The following POR variants were observed in gnomAD, a reference collection of about 807,000 sequenced individuals.
The protein encoded by POR is NADPH--cytochrome P450 reductase.
In POR, 56 loss-of-function variants were observed where a neutral mutation model predicts 84.0. The ratio of observed to expected loss-of-function variants is 0.67; its 90% CI spans 0.54 to 0.83. POR has a LOEUF of 0.83. Among genes scored for constraint, POR ranks in the 40% least tolerant of loss-of-function variants. The pLI is 0.00. For missense variants in POR, 938 were observed against 944.3 expected (o/e 0.99, Z 0.09); for synonymous variants, 414 against 400.5 (o/e 1.03, Z -0.40).
At chr7:75,965,090 T>G (rs555183390) in intron 2 of POR, among the ~76,000 whole-genome samples, 43 of 152,238 alleles carry the variant, frequency 2.8e-4, no homozygotes, top group African/African-American at 9.1e-4. Flanking sequence ...GAAGCCTGTG[T>G]AGGATGGCGG....
rs371718382 is a variant in POR, at chr7:75,937,307, AC to A, written c.-4-16681del. 6.7e-5 allele frequency among the ~76,000 whole-genome samples: 10 copies of A among 149,560 alleles called. No homozygotes were observed. In the South Asian group the frequency reaches 1.1e-3, roughly 16 times the overall value. Reference sequence around the variant, plus strand: ...CCATCTCTACAAAAAAAAAAAAAAAACAAAAAAACCAAAAATTAGCCAGGCA... The same window carrying A: ...CCATCTCTACAAAAAAAAAAAAAAAAAAAAAAACCAAAAATTAGCCAGGCA... On this transcript the variant is annotated intron_variant, in intron 1 of 15. Coordinates refer to ENST00000461988, the MANE Select transcript of POR (RefSeq NM_000941.3).
intron 1 of POR, among the ~76,000 whole-genome samples, chr7:75,953,439 G>A (rs1370779558): frequency 6.6e-6 from 1 of 151,898 alleles, no homozygotes; most frequent in African/African-American, 2.4e-5. Context: ...TACCTTCATA[G>A]CCCAAGGTTT....
chr7:75,928,884 G>C (rs1807280102), intron 1 of POR, among the ~76,000 whole-genome samples: 1 of 152,118 alleles, frequency 6.6e-6, no homozygotes, highest in South Asian at 2.1e-4. Context: ...CAAGTACGCA[G>C]CTCTCTTGGT....
Position 75,986,517 on chromosome 7 carries a change from C to T in POR, c.*36C>T. ...GCCCCACCCACCCCACAGACTCCGG[C>T]CTGTAATCAGCTCTCCTGGCTCCCT... is the stretch of plus-strand genomic sequence containing the variant. On this transcript the variant is annotated 3_prime_UTR_variant, in exon 16 of 16. Coordinates refer to ENST00000461988, the MANE Select transcript of POR (RefSeq NM_000941.3). 6.3e-7 allele frequency: 1 copy of T among 1,595,550 alleles called. No homozygotes were observed. The highest frequency in any genetic ancestry group is 8.5e-7 in the Non-Finnish European group (1 of 1,176,194).
At chr7:75,941,607 G>C (rs1349178346) in intron 1 of POR, among the ~76,000 whole-genome samples, 1 of 152,084 alleles carries the variant, frequency 6.6e-6, no homozygotes, top group Non-Finnish European at 1.5e-5. Flanking sequence ...TATTTTTTAG[G>C]CTTTGCATGC....
chr7:75,964,290 A>G (rs910754444), intron 2 of POR, among the ~76,000 whole-genome samples: 18 of 151,100 alleles, frequency 1.2e-4, no homozygotes, highest in African/African-American at 3.4e-4. Flanking sequence ...GTGAGCCACC[A>G]TGCCCAGCCT....
At chr7:75,960,604 A>G (rs1672032729) in intron 2 of POR, among the ~76,000 whole-genome samples, 2 of 151,920 alleles carry the variant, frequency 1.3e-5, no homozygotes, top group South Asian at 2.1e-4. Context: ...GTAGGATCCA[A>G]AGTCCCACAG....
chr7:75,976,193 T>C (rs1788677672), intron 3 of POR, among the ~76,000 whole-genome samples: 1 of 152,200 alleles, frequency 6.6e-6, no homozygotes, highest in Non-Finnish European at 1.5e-5. Flanking sequence ...TCTCTTAACC[T>C]GATAATCATG....
At chr7:75,954,271 C>A (rs72553989) in intron 2 of POR, 91 bp downstream of exon 2, 17 of 1,339,590 alleles carry the variant, frequency 1.3e-5, no homozygotes, top group Non-Finnish European at 1.5e-5. Flanking sequence ...CTGAAAGAAG[C>A]AAGGCTCCTT....
At chr7:75,941,490 C>T (rs905681810) in intron 1 of POR, among the ~76,000 whole-genome samples, 2 of 152,160 alleles carry the variant, frequency 1.3e-5, no homozygotes, top group East Asian at 1.9e-4. Flanking sequence ...CCAGAGCCTC[C>T]GGCATCTGTA....
Position 75,981,129 on chromosome 7 carries a change from G to A in POR, c.598G>A (p.Ala200Thr), listed in dbSNP as rs1294122450. ...GGACAAGCGGCTGGAGCAGCTCGGC[G>A]CCCAGCGCATCTTTGAGCTGGGGTT... The change falls in exon 6 of 16, where the codon GCC becomes ACC. Residue 200 changes from alanine (A) to threonine (T), a missense_variant. Ala to Thr is a moderately conservative substitution (Grantham distance 58). Transcript: ENST00000461988. 9 of 1,557,476 alleles carry A rather than the reference G, an allele frequency of 5.8e-6. No individual in the cohort carries two copies. The highest frequency in any genetic ancestry group is 4.1e-5 in the African/African-American group (3 of 73,364).
chr7:75,983,380 A>G (rs575470469), intron 8 of POR, 140 bp from the exon 9 acceptor site: 3 of 638,938 alleles, frequency 4.7e-6, no homozygotes, highest in African/African-American at 3.7e-5. Context: ...AGGCTGGGAG[A>G]GCCCTTGATG....
chr7:75,981,426 G>A, intron 6 of POR, 91 bp from the exon 7 acceptor site: 1 of 1,306,038 alleles, frequency 7.7e-7, no homozygotes, highest in Non-Finnish European at 1.1e-6. Context: ...GAGCTTTGGG[G>A]ATGGGGTGGG....
chr7:75,930,188 G>A (rs1807338583), intron 1 of POR, among the ~76,000 whole-genome samples: 2 of 152,308 alleles, frequency 1.3e-5, no homozygotes, highest in South Asian at 4.1e-4. Flanking sequence ...GTGAACGTTG[G>A]TTGCATTGCT....
At chr7:75,974,530 T>C (rs1184326728) in intron 3 of POR, among the ~76,000 whole-genome samples, 3 of 146,236 alleles carry the variant, frequency 2.1e-5, no homozygotes, top group Non-Finnish European at 3.0e-5. Context: ...TTTTCTTTTT[T>C]TTTTTTTTTT....
intron 3 of POR, among the ~76,000 whole-genome samples, chr7:75,974,619 C>A (rs937803939): frequency 1.3e-5 from 2 of 150,904 alleles, no homozygotes; most frequent in African/African-American, 4.9e-5. Flanking sequence ...CTCCACCTCC[C>A]GGGTTCAAGC....
Position 75,983,565 on chromosome 7 carries a change from C to T in POR, c.876C>T (p.Asn292=), listed in dbSNP as rs1789197067. The change falls in exon 9 of 16, where the codon AAC becomes AAT. Residue 292 remains asparagine, a synonymous_variant. Transcript: ENST00000461988. ...CGTTCCTGGCTGCAGTCACCACCAA[C>T]CGGAAGCTGAACCAGGGAACCGAGC... is the stretch of plus-strand genomic sequence containing the variant. 6.2e-7 allele frequency: 1 copy of T among 1,613,152 alleles called. No homozygotes were observed. Among genetic ancestry groups the T allele is most frequent in the East Asian group, 2.2e-5 (1 of 44,866 alleles).
chr7:75,951,518 T>A (rs1554552819), intron 1 of POR, among the ~76,000 whole-genome samples: 1 of 152,176 alleles, frequency 6.6e-6, no homozygotes, highest in East Asian at 1.9e-4. Flanking sequence ...AATGGCCTGT[T>A]CCCAGCAGGT....
At chr7:75,973,033 G>A (rs1257873395) in intron 3 of POR, among the ~76,000 whole-genome samples, 2 of 152,020 alleles carry the variant, frequency 1.3e-5, no homozygotes, top group Non-Finnish European at 2.9e-5. Flanking sequence ...ATGTTGGCCA[G>A]ACTGGTCTTG....
Sources: gnomAD v4.1 joint callset for allele counts (sites outside exome capture counted in the v4.1 genomes callset) on GRCh38, gnomAD v4.1.1 for gene constraint, MANE v1.5 for transcripts, NCBI Gene and HGNC (gene_info 2026-07-23, HGNC 2026-07-21) for gene names.